Variants in COL28A1 observed in about 807,000 individuals in gnomAD.
The protein encoded by COL28A1 is collagen type XXVIII alpha 1 chain.
In COL28A1, 161 loss-of-function variants were observed where a neutral mutation model predicts 150.2. That is an observed-to-expected ratio of 1.07 (90% CI 0.94 to 1.22). The LOEUF (loss-of-function observed/expected upper bound fraction) is 1.22. COL28A1 is among the 50% of genes most tolerant of loss of function. The pLI is 0.00. For missense variants in COL28A1, 1,617 were observed against 1,388.3 expected (o/e 1.16, Z -2.62); for synonymous variants, 552 against 469.7 (o/e 1.18, Z -2.26).
chr7:7,436,424 C>T lies in COL28A1; in HGVS notation c.1831G>A (p.Glu611Lys). The T allele has an allele frequency of 6.9e-7, 1 of 1,443,440 alleles. No individual in the cohort carries two copies. Among genetic ancestry groups the T allele is most frequent in the Non-Finnish European group, 9.8e-7 (1 of 1,024,044 alleles). The allele number at this position is 1,443,440 out of a possible 1,614,324, so 89.4% of individuals were successfully genotyped here. The change falls in exon 23 of 35, where the codon GAA becomes AAA. Residue 611 changes from glutamate (E) to lysine (K), a missense_variant. Physicochemically the swap from Glu to Lys is moderately conservative, Grantham distance 56. Coordinates refer to ENST00000399429, the MANE Select transcript of COL28A1 (RefSeq NM_001037763.3). ...GGTCCTCGAATAGAAAGTCCAGGTT[C>T]TCCCTTAAATCCAGGTATCCCAGGT... ...GGPGIPGFKG[E>K]PGLSIRGPKG...
intron 15 of COL28A1, among the ~76,000 whole-genome samples, chr7:7,461,654 C>T (rs1583430268): frequency 1.3e-5 from 2 of 152,242 alleles, no homozygotes; most frequent in African/African-American, 4.8e-5. Context: ...ACAGCAGAGG[C>T]AGCCATTATC....
intron 33 of COL28A1, among the ~76,000 whole-genome samples, chr7:7,367,600 T>C (rs1332051996): frequency 1.3e-5 from 2 of 152,038 alleles, no homozygotes; most frequent in East Asian, 3.9e-4. Flanking sequence ...AGTATTTTGG[T>C]TGTATTTTTC....
At chr7:7,474,045 T>C (rs1263860633) in intron 15 of COL28A1, among the ~76,000 whole-genome samples, 2 of 138,430 alleles carry the variant, frequency 1.4e-5, no homozygotes, top group Non-Finnish European at 3.0e-5. Flanking sequence ...ACTATATATA[T>C]ACTATATACT....
chr7:7,521,281 G>C (rs188949745), intron 5 of COL28A1, among the ~76,000 whole-genome samples: 1 of 152,292 alleles, frequency 6.6e-6, no homozygotes, highest in Admixed American at 6.5e-5. Flanking sequence ...TCCCAGTACA[G>C]ACATGGCACC....
intron 25 of COL28A1, among the ~76,000 whole-genome samples, chr7:7,432,057 A>C (rs982009912): frequency 2.6e-5 from 4 of 152,196 alleles, no homozygotes; most frequent in African/African-American, 9.6e-5. Context: ...CCAAGAGGGG[A>C]TACATGGTAG....
the COL28A1 span, among the ~76,000 whole-genome samples, chr7:7,342,817 C>T: frequency 6.6e-6 from 1 of 152,006 alleles, no homozygotes; most frequent in Non-Finnish European, 1.5e-5. Flanking sequence ...TTTATTTTTA[C>T]ATACATATTT....
At chr7:7,537,820 C>T (rs754233484), upstream of COL28A1, among the ~76,000 whole-genome samples, 4 of 151,936 alleles carry the variant, frequency 2.6e-5, no homozygotes, top group Non-Finnish European at 5.9e-5. Flanking sequence ...GGGTGTTAGT[C>T]ACACTTTTTA....
rs373906068 is a variant in COL28A1 at position 7,478,964 on chromosome 7, C to T, written c.1165-1784G>A. Among the ~76,000 whole-genome samples the T allele has an allele frequency of 1.1e-4, 17 of 152,348 alleles. 1 individual carries two copies. In the South Asian group the frequency reaches 1.9e-3, roughly 17 times the overall value. The stretch of plus-strand genomic sequence containing the variant: ...AGGCTGAGGGAGCCGGCTCAGCCCT[C>T]GGCCATCCCAGGAAGGGGCTCCCAC... On this transcript the variant is annotated intron_variant, in intron 13 of 34. Transcript: ENST00000399429.
At chr7:7,383,284 GTGTGTT>G (rs111540518) in intron 27 of COL28A1, among the ~76,000 whole-genome samples, 5,531 of 115,664 alleles carry the variant, frequency 0.048, 183 homozygotes, top group African/African-American at 0.12. Context: ...GTGTGTGTGT[GTGTGTT>G]TTTTTTGAGA....
chr7:7,383,682 GTATA>G lies in COL28A1; in HGVS notation c.2137-2074_2137-2071del, dbSNP rs772285848. Among the ~76,000 whole-genome samples the G allele has an allele frequency of 4.4e-4, 55 of 124,078 alleles. 1 individual carries two copies. Among genetic ancestry groups the G allele is most frequent in the African/African-American group, 8.5e-4 (28 of 32,984 alleles). 81.4% of individuals were successfully genotyped at this position (124,078 alleles called of 152,430 possible). A position where few individuals can be genotyped will look rare whatever the true frequency, so the allele number is the denominator to read the frequency against. ...ATTTGAAATTTGTGTGTGTGTGTGT[GTATA>G]TATATATATATATATATGTATATGA... On this transcript the variant is annotated intron_variant, in intron 27 of 34. Coordinates refer to ENST00000399429, the MANE Select transcript of COL28A1 (RefSeq NM_001037763.3).
intron 13 of COL28A1, among the ~76,000 whole-genome samples, chr7:7,483,097 TA>T (rs1156819116): frequency 6.6e-6 from 1 of 152,226 alleles, no homozygotes; most frequent in Non-Finnish European, 1.5e-5. Flanking sequence ...TTTTGGATTT[TA>T]CAATGGGTTG....
chr7:7,386,888 A>G (rs1266907573), intron 27 of COL28A1, among the ~76,000 whole-genome samples: 1 of 152,192 alleles, frequency 6.6e-6, no homozygotes, highest in African/African-American at 2.4e-5. Flanking sequence ...TCTGGAGGCT[A>G]GAAAGCCCAC....
chr7:7,360,153 T>C (rs903566627), intron 34 of COL28A1, among the ~76,000 whole-genome samples: 6 of 152,214 alleles, frequency 3.9e-5, no homozygotes, highest in African/African-American at 1.4e-4. Flanking sequence ...ATAAGAACTT[T>C]GAAATTCTTC....
chr7:7,415,632 C>G (rs1784034016), intron 27 of COL28A1, among the ~76,000 whole-genome samples: 1 of 152,210 alleles, frequency 6.6e-6, no homozygotes, highest in South Asian at 2.1e-4. Context: ...CTCCAGGATT[C>G]AAGCGATTCT....
chr7:7,419,291 A>C (rs1784270204), intron 26 of COL28A1, among the ~76,000 whole-genome samples: 1 of 152,152 alleles, frequency 6.6e-6, no homozygotes, highest in African/African-American at 2.4e-5. Context: ...GATCTACTAC[A>C]ACCAAAAAAT....
At chr7:7,401,614 C>G (rs971934268) in intron 27 of COL28A1, among the ~76,000 whole-genome samples, 5 of 152,008 alleles carry the variant, frequency 3.3e-5, no homozygotes, top group Admixed American at 3.3e-4. Flanking sequence ...ATATTATACC[C>G]CATATTCAGT....
At chr7:7,529,850 G>A (rs554639032) in intron 3 of COL28A1, among the ~76,000 whole-genome samples, 2 of 152,332 alleles carry the variant, frequency 1.3e-5, no homozygotes, top group East Asian at 3.9e-4. Flanking sequence ...TCATGGCACA[G>A]GCAGGGCTAA....
rs576725814 is a variant in COL28A1, at chr7:7,394,139, A to C, written c.2137-12527T>G. ...AAGCATAGTATCTGGACCAGAGTGC[A>C]CCGTTCCTCATGGCACAGTCCCTCA... On this transcript the variant is annotated intron_variant, in intron 27 of 34. Transcript: ENST00000399429. 1.1e-4 allele frequency among the ~76,000 whole-genome samples: 17 copies of C among 152,258 alleles called. No homozygotes were observed. The East Asian group carries it at 3.3e-3, about 30-fold the overall frequency.
intron 15 of COL28A1, among the ~76,000 whole-genome samples, chr7:7,459,231 G>A (rs1562721955): frequency 6.6e-6 from 1 of 152,158 alleles, no homozygotes; most frequent in Non-Finnish European, 1.5e-5. Context: ...TAAAACAATG[G>A]TTCTGTTGTA....
Sources: allele counts gnomAD v4.1 joint callset (sites outside exome capture counted in the v4.1 genomes callset), GRCh38; gene constraint gnomAD v4.1.1; transcripts MANE v1.5; gene names NCBI Gene and HGNC (gene_info 2026-07-23, HGNC 2026-07-21).